Variants in HAPSTR1 observed in about 807,000 individuals in gnomAD.
HAPSTR1 encodes HUWE1 associated protein modifying stress responses, also known as HUWE1-associated protein modifying stress responses 1.
chr16:9,115,886 A>C, the HAPSTR1 span, among the ~76,000 whole-genome samples: 143 of 152,294 alleles, frequency 9.4e-4, 2 homozygotes, highest in East Asian at 0.026. Flanking sequence ...CTGGGATTAC[A>C]GGTGTGAGCC....
the HAPSTR1 span, chr16:9,103,560 T>G: frequency 3.9e-6 from 1 of 255,666 alleles, no homozygotes; most frequent in Non-Finnish European, 7.5e-6. Context: ...ACGTGTTTTT[T>G]TCCTCTTCTG....
the HAPSTR1 span, among the ~76,000 whole-genome samples, chr16:9,097,263 G>A: frequency 7.1e-6 from 1 of 141,038 alleles, no homozygotes; most frequent in Admixed American, 7.3e-5. Context: ...TTTCTTTTGA[G>A]ACAGGGTCTC....
At chr16:9,116,708 T>C in the HAPSTR1 span, 1 of 1,614,174 alleles carries the variant, frequency 6.2e-7, no homozygotes, top group Non-Finnish European at 8.5e-7. Flanking sequence ...TGCGTTCGAG[T>C]ACCCCAGGCT....
chr16:9,115,347 T>C, the HAPSTR1 span, among the ~76,000 whole-genome samples: 1 of 152,142 alleles, frequency 6.6e-6, no homozygotes, highest in African/African-American at 2.4e-5. Flanking sequence ...TAAGTCCTAT[T>C]CTTTGAAAAT....
At chr16:9,111,940 G>A in the HAPSTR1 span, 3 of 151,868 alleles carry the variant, frequency 2.0e-5, no homozygotes, top group Admixed American at 6.6e-5. Context: ...TTTTAACGTC[G>A]TGAGCAATTT....
chr16:9,107,876 T>A, the HAPSTR1 span: 2 of 152,114 alleles, frequency 1.3e-5, no homozygotes, highest in Admixed American at 1.3e-4. Flanking sequence ...TCCTTTTTTT[T>A]TTGGCTTTAA....
chr16:9,092,957 T>A, the HAPSTR1 span: 1 of 1,610,716 alleles, frequency 6.2e-7, no homozygotes, highest in Non-Finnish European at 8.5e-7. Flanking sequence ...TCTCTCTGGG[T>A]CCCCTTCCAA....
At chr16:9,092,894 T>TTTTTTTTTTTTTTG in the HAPSTR1 span, 1 of 1,257,914 alleles carries the variant, frequency 7.9e-7, no homozygotes, top group Non-Finnish European at 1.1e-6. Context: ...TCTTTTTGGT[T>TTTTTTTTTTTTTTG]TTTTTTTTTT....
chr16:9,103,537 A>C, the HAPSTR1 span: 3 of 338,978 alleles, frequency 8.9e-6, no homozygotes, highest in South Asian at 5.2e-5. Flanking sequence ...ATCGCTTTAC[A>C]CTTATGTGTT....
chr16:9,104,919 G>C, the HAPSTR1 span: 1 of 152,176 alleles, frequency 6.6e-6, no homozygotes, highest in African/African-American at 2.4e-5. Flanking sequence ...TTTATTAAGA[G>C]GGTTGTGGGT....
chr16:9,103,383 A>AG, the HAPSTR1 span: 1 of 1,014,984 alleles, frequency 9.9e-7, no homozygotes, highest in South Asian at 1.8e-5. Flanking sequence ...AGCTTGCTCT[A>AG]GAAATGTTTA....
chr16:9,116,816 C>T, the HAPSTR1 span: 2 of 1,614,160 alleles, frequency 1.2e-6, no homozygotes, highest in Non-Finnish European at 1.7e-6. Flanking sequence ...AAATGGCACT[C>T]CACTTGGACA....
the HAPSTR1 span, among the ~76,000 whole-genome samples, chr16:9,102,739 T>A: frequency 1.3e-5 from 2 of 148,438 alleles, no homozygotes; most frequent in East Asian, 2.0e-4. Context: ...TTCTGTTAAA[T>A]TTTTTTTTTT....
At chr16:9,120,880 TG>T in the HAPSTR1 span, 1 of 152,070 alleles carries the variant, frequency 6.6e-6, no homozygotes, top group African/African-American at 2.4e-5. Flanking sequence ...GTTTCAAATA[TG>T]GTGAAATCTT....
At chr16:9,092,313 G>C in the HAPSTR1 span, 5 of 1,431,946 alleles carry the variant, frequency 3.5e-6, no homozygotes, top group Middle Eastern at 2.1e-4. Flanking sequence ...GGCCGCCCCC[G>C]CCCGGGCCCG....
At chr16:9,092,024 G>A in the HAPSTR1 span, 6 of 1,488,754 alleles carry the variant, frequency 4.0e-6, no homozygotes, top group Non-Finnish European at 5.4e-6. Context: ...GTGGCGGCGA[G>A]GCCGCGGGAG....
chr16:9,119,744 T>C, the HAPSTR1 span: 1 of 152,230 alleles, frequency 6.6e-6, no homozygotes, highest in Non-Finnish European at 1.5e-5. Context: ...TCTGAATAAC[T>C]TTTTGATGCA....
At chr16:9,095,991 T>TA in the HAPSTR1 span, among the ~76,000 whole-genome samples, 7 of 151,996 alleles carry the variant, frequency 4.6e-5, no homozygotes, top group South Asian at 6.2e-4. Flanking sequence ...AGAAGGGGAG[T>TA]AAAAAATCAT....
At chr16:9,109,464 TC>T in the HAPSTR1 span, 1 of 152,218 alleles carries the variant, frequency 6.6e-6, no homozygotes, top group Non-Finnish European at 1.5e-5. Flanking sequence ...TTCAGACTGT[TC>T]CATAAAAGTC....
Sources: allele counts gnomAD v4.1 joint callset (sites outside exome capture counted in the v4.1 genomes callset), GRCh38; gene constraint gnomAD v4.1.1; transcripts MANE v1.5; gene names NCBI Gene and HGNC (gene_info 2026-07-23, HGNC 2026-07-21).